ZCCHC10: variants seen among roughly 807,000 people sequenced by gnomAD.
ZCCHC10 encodes the protein zinc finger CCHC-type containing 10.
In ZCCHC10, 16 loss-of-function variants were observed where a neutral mutation model predicts 19.5. The ratio of observed to expected loss-of-function variants is 0.82; its 90% CI spans 0.56 to 1.25. The LOEUF is 1.25. Among genes scored for constraint, ZCCHC10 ranks in the 50% most tolerant of loss-of-function variants. The probability of loss-of-function intolerance (pLI) is 0.00; values close to 1 mark genes in which losing one functional copy is unlikely to be tolerated. For synonymous variants in ZCCHC10, 67 were observed against 72.5 expected (o/e 0.92, Z 0.38); for missense variants, 197 against 201.0 (o/e 0.98, Z 0.12).
intron 3 of ZCCHC10, among the ~76,000 whole-genome samples, chr5:133,005,494 G>A (rs1435341754): frequency 6.6e-6 from 1 of 151,962 alleles, no homozygotes; most frequent in East Asian, 1.9e-4. Flanking sequence ...TGCATCTGAA[G>A]TCTCAGCTAC....
At chr5:133,008,911 G>C (rs1193183506) in intron 2 of ZCCHC10, among the ~76,000 whole-genome samples, 1 of 152,190 alleles carries the variant, frequency 6.6e-6, no homozygotes, top group Non-Finnish European at 1.5e-5. Flanking sequence ...TACTTGGGAA[G>C]CTGAGATAGG....
intron 3 of ZCCHC10, among the ~76,000 whole-genome samples, chr5:133,004,177 TC>T (rs955404951): frequency 3.3e-5 from 5 of 151,892 alleles, no homozygotes; most frequent in African/African-American, 7.2e-5. Flanking sequence ...ATTTTTAATT[TC>T]TTTTTTTTTT....
At chr5:133,001,439 C>A (rs941995342) in intron 3 of ZCCHC10, among the ~76,000 whole-genome samples, 1 of 151,862 alleles carries the variant, frequency 6.6e-6, no homozygotes, top group Admixed American at 6.6e-5. Flanking sequence ...ACAATTAATT[C>A]TATCACCACT....
intron 1 of ZCCHC10, among the ~76,000 whole-genome samples, chr5:133,025,807 A>G (rs1249636658): frequency 1.3e-5 from 2 of 151,958 alleles, no homozygotes; most frequent in Non-Finnish European, 2.9e-5. Context: ...TCTTTCCATC[A>G]CAACAGCTTA....
intron 2 of ZCCHC10, among the ~76,000 whole-genome samples, chr5:133,012,767 T>A (rs1335316001): frequency 6.7e-6 from 1 of 149,300 alleles, no homozygotes; most frequent in East Asian, 2.0e-4. Context: ...ATACAAAAAA[T>A]AGGCCGGGTG....
chr5:133,002,379 T>C (rs1289410040), intron 3 of ZCCHC10, among the ~76,000 whole-genome samples: 1 of 152,144 alleles, frequency 6.6e-6, no homozygotes, highest in Admixed American at 6.6e-5. Flanking sequence ...TATTTATGTA[T>C]TTATTTTTTG....
chr5:133,013,816 A>G (rs1763735282), intron 2 of ZCCHC10, among the ~76,000 whole-genome samples: 2 of 152,126 alleles, frequency 1.3e-5, no homozygotes, highest in Admixed American at 1.3e-4. Context: ...AAAAGCCTCA[A>G]AAACAACCAT....
chr5:133,001,153 C>T (rs557429396), intron 3 of ZCCHC10, among the ~76,000 whole-genome samples: 19 of 151,348 alleles, frequency 1.3e-4, no homozygotes, highest in Non-Finnish European at 2.2e-4. Flanking sequence ...TTTGGGAGGC[C>T]GAGGCAGGCA....
chr5:133,000,644 CTTT>C (rs200042984), intron 3 of ZCCHC10, among the ~76,000 whole-genome samples: 261 of 134,486 alleles, frequency 1.9e-3, no homozygotes, highest in African/African-American at 5.3e-3. Flanking sequence ...CCGTTATTTA[CTTT>C]TTTTTTTTTT....
chr5:132,997,397 A>C lies in ZCCHC10; in HGVS notation c.*1186T>G, dbSNP rs1762497823. ...TTAACCCAAATCAAATTTTTTCTAC[A>C]AATGATACCTCTTTCCAAAAAGTTA... is the stretch of plus-strand genomic sequence containing the variant. On this transcript the variant is annotated 3_prime_UTR_variant, in exon 5 of 5. Transcript: ENST00000509437. The C allele has an allele frequency of 6.6e-6, 1 of 152,182 alleles. No individual in the cohort carries two copies. Among genetic ancestry groups the C allele is most frequent in the African/African-American group, 2.4e-5 (1 of 41,464 alleles). The allele number at this position is 152,182 out of a possible 1,614,324, so 9.4% of individuals were successfully genotyped here.
intron 3 of ZCCHC10, 112 bp downstream of exon 3, chr5:133,006,647 T>C: frequency 9.5e-7 from 1 of 1,055,718 alleles, no homozygotes; most frequent in Non-Finnish European, 1.3e-6. Flanking sequence ...CTATTAAACA[T>C]TAGTAACATT....
chr5:133,023,861 C>T (rs1764496474), intron 1 of ZCCHC10, among the ~76,000 whole-genome samples: 1 of 152,002 alleles, frequency 6.6e-6, no homozygotes, highest in Admixed American at 6.6e-5. Context: ...GTAATATATG[C>T]TCCTTGTAAA....
At chr5:133,024,621 G>T (rs1477234704) in intron 1 of ZCCHC10, among the ~76,000 whole-genome samples, 2 of 152,184 alleles carry the variant, frequency 1.3e-5, no homozygotes, top group African/African-American at 4.8e-5. Flanking sequence ...CTGACTTAAT[G>T]GTGGGCGCAG....
chr5:133,017,743 G>A (rs1764017527), intron 2 of ZCCHC10, among the ~76,000 whole-genome samples: 1 of 152,018 alleles, frequency 6.6e-6, no homozygotes, highest in South Asian at 2.1e-4. Flanking sequence ...AGAATACAGA[G>A]GAATACTTCA....
At chr5:133,023,440 T>G (rs1320721713) in intron 1 of ZCCHC10, among the ~76,000 whole-genome samples, 3 of 151,652 alleles carry the variant, frequency 2.0e-5, no homozygotes, top group Non-Finnish European at 2.9e-5. Context: ...TTTCCCCGTC[T>G]TCTTCTATTA....
At chr5:133,022,547 G>A (rs1395052060) in intron 2 of ZCCHC10, among the ~76,000 whole-genome samples, 3 of 151,586 alleles carry the variant, frequency 2.0e-5, no homozygotes, top group East Asian at 1.9e-4. Flanking sequence ...TCCGTCTCCC[G>A]GGTTCAAGCA....
chr5:133,001,725 G>C (rs1318768892), intron 3 of ZCCHC10, among the ~76,000 whole-genome samples: 1 of 151,956 alleles, frequency 6.6e-6, no homozygotes, highest in Non-Finnish European at 1.5e-5. Flanking sequence ...CCAAAGTGTT[G>C]GGATTACAAG....
chr5:133,005,306 T>A (rs1341878228), intron 3 of ZCCHC10, among the ~76,000 whole-genome samples: 1 of 146,736 alleles, frequency 6.8e-6, no homozygotes, highest in Non-Finnish European at 1.5e-5. Context: ...AAAAAAAAAA[T>A]TTTTTACTCT....
At chr5:133,024,800 G>C (rs1764560347) in intron 1 of ZCCHC10, among the ~76,000 whole-genome samples, 1 of 152,156 alleles carries the variant, frequency 6.6e-6, no homozygotes, top group Non-Finnish European at 1.5e-5. Flanking sequence ...CTAGTCGGGA[G>C]GCTGAGGCAG....
Sources: gnomAD v4.1 joint callset for allele counts (sites outside exome capture counted in the v4.1 genomes callset) on GRCh38, gnomAD v4.1.1 for gene constraint, MANE v1.5 for transcripts, NCBI Gene and HGNC (gene_info 2026-07-23, HGNC 2026-07-21) for gene names.